Variants in CADM2 observed in about 807,000 individuals in gnomAD.
CADM2 encodes cell adhesion molecule 2.
Under a neutral mutation model 49.8 loss-of-function variants are expected in CADM2, and 12 were observed. That is an observed-to-expected ratio of 0.24 (90% CI 0.15 to 0.39). The LOEUF is 0.39. CADM2 is among the 10% of genes least tolerant of loss of function. CADM2 has a pLI of 1.00. For missense variants in CADM2, 378 were observed against 492.3 expected (o/e 0.77, Z 2.20); for synonymous variants, 214 against 175.4 (o/e 1.22, Z -1.74).
chr3:85,246,057 T>C (rs1325051017), intron 1 of CADM2, among the ~76,000 whole-genome samples: 4 of 152,230 alleles, frequency 2.6e-5, no homozygotes, highest in Admixed American at 6.5e-5. Flanking sequence ...ATAATTTGGT[T>C]AGTTTGTGTG....
chr3:85,901,244 C>G (rs915642995), intron 5 of CADM2, among the ~76,000 whole-genome samples: 1 of 152,000 alleles, frequency 6.6e-6, no homozygotes. Context: ...GACATTAGAT[C>G]CAAACAATTT....
intron 1 of CADM2, among the ~76,000 whole-genome samples, chr3:85,318,307 G>A (rs1274057741): frequency 6.6e-6 from 1 of 152,082 alleles, no homozygotes; most frequent in Admixed American, 6.6e-5. Context: ...CCTAGACCTA[G>A]CAGGAGATCT....
At chr3:85,242,244 A>C (rs2107838070) in intron 1 of CADM2, among the ~76,000 whole-genome samples, 1 of 151,582 alleles carries the variant, frequency 6.6e-6, no homozygotes, top group East Asian at 1.9e-4. Flanking sequence ...TTTATATTTT[A>C]ATAGTAAGTT....
chr3:85,431,993 C>T (rs1400598235), intron 1 of CADM2, among the ~76,000 whole-genome samples: 1 of 148,418 alleles, frequency 6.7e-6, no homozygotes, highest in Non-Finnish European at 1.5e-5. Flanking sequence ...GCATTATTGA[C>T]ATGTTCAATG....
chr3:85,102,065 A>G (rs940776321), intron 1 of CADM2, among the ~76,000 whole-genome samples: 4 of 152,180 alleles, frequency 2.6e-5, no homozygotes, highest in Admixed American at 1.3e-4. Context: ...TGATTTTGTA[A>G]AAAATAAAAT....
At chr3:85,103,306 C>T (rs573360728) in intron 1 of CADM2, among the ~76,000 whole-genome samples, 3 of 151,674 alleles carry the variant, frequency 2.0e-5, no homozygotes, top group African/African-American at 2.4e-5. Context: ...TTTTTCTTTA[C>T]GTATAAATAA....
intron 1 of CADM2, among the ~76,000 whole-genome samples, chr3:85,392,234 A>G (rs991131386): frequency 6.6e-6 from 1 of 152,122 alleles, no homozygotes; most frequent in South Asian, 2.1e-4. Context: ...TGAGAAAAAA[A>G]TCAAAGAAAT....
intron 1 of CADM2, among the ~76,000 whole-genome samples, chr3:85,107,624 T>A (rs1300457364): frequency 7.2e-6 from 1 of 139,046 alleles, no homozygotes; most frequent in Non-Finnish European, 1.6e-5. Flanking sequence ...TTTCTTTCTT[T>A]CTTTCTTTTT....
At chr3:85,633,737 A>G (rs921103318) in intron 1 of CADM2, among the ~76,000 whole-genome samples, 2 of 152,048 alleles carry the variant, frequency 1.3e-5, no homozygotes, top group Non-Finnish European at 2.9e-5. Flanking sequence ...GAGGAGAATA[A>G]ATTTCCATAA....
chr3:85,075,286 G>A (rs1049674477), intron 1 of CADM2, among the ~76,000 whole-genome samples: 1 of 151,418 alleles, frequency 6.6e-6, no homozygotes, highest in Non-Finnish European at 1.5e-5. Context: ...TAGAAGTTTA[G>A]CAAAGCCTGG....
chr3:85,888,718 A>G (rs144299041), intron 5 of CADM2, among the ~76,000 whole-genome samples: 1 of 152,270 alleles, frequency 6.6e-6, no homozygotes, highest in African/African-American at 2.4e-5. Context: ...TTATTTTTGT[A>G]AGTGTATATG....
chr3:85,428,212 A>T lies in CADM2; in HGVS notation c.62-298310A>T, dbSNP rs917840696. ...ATTTATACCTAAATTGTAAAAAAAA[A>T]AGGCACAGAGTAAAGTGTTCATGAA... is the stretch of plus-strand genomic sequence containing the variant. On this transcript the variant is annotated intron_variant, in intron 1 of 9. Coordinates refer to ENST00000383699, the MANE Select transcript of CADM2 (RefSeq NM_001167675.2). Among the ~76,000 whole-genome samples, 26 of 150,970 alleles carry T rather than the reference A, an allele frequency of 1.7e-4. 1 individual carries two copies. Among genetic ancestry groups the T allele is most frequent in the African/African-American group, 6.3e-4 (26 of 41,240 alleles).
At chr3:84,997,613 TTA>T (rs889583481) in intron 1 of CADM2, among the ~76,000 whole-genome samples, 5 of 152,118 alleles carry the variant, frequency 3.3e-5, no homozygotes, top group East Asian at 1.9e-4. Flanking sequence ...TATATTTATT[TTA>T]TATGTTATTT....
chr3:85,459,239 A>G (rs939570666), intron 1 of CADM2, among the ~76,000 whole-genome samples: 9 of 152,294 alleles, frequency 5.9e-5, no homozygotes, highest in Admixed American at 5.9e-4. Context: ...AGCTCCAGGA[A>G]TCTTGTCCTC....
At chr3:85,682,203 C>A (rs2066058579) in intron 1 of CADM2, among the ~76,000 whole-genome samples, 1 of 151,904 alleles carries the variant, frequency 6.6e-6, no homozygotes, top group South Asian at 2.1e-4. Flanking sequence ...ACTACAAAGC[C>A]CAGAATAATA....
intron 1 of CADM2, among the ~76,000 whole-genome samples, chr3:85,588,381 C>T (rs542157921): frequency 6.6e-6 from 1 of 151,648 alleles, no homozygotes; most frequent in Non-Finnish European, 1.5e-5. Context: ...AAAATACTCA[C>T]CCCACATTGA....
intron 3 of CADM2, among the ~76,000 whole-genome samples, chr3:85,842,280 C>T (rs1015265080): frequency 6.6e-6 from 1 of 152,104 alleles, no homozygotes; most frequent in African/African-American, 2.4e-5. Context: ...ACTGTGGCTT[C>T]CCAAATGGCT....
intron 3 of CADM2, among the ~76,000 whole-genome samples, chr3:85,860,055 G>A (rs1479650240): frequency 6.6e-6 from 1 of 151,416 alleles, no homozygotes; most frequent in African/African-American, 2.4e-5. Context: ...TATATCTTTA[G>A]CTCATTTCAG....
intron 2 of CADM2, among the ~76,000 whole-genome samples, chr3:85,755,089 T>C (rs1559634637): frequency 6.6e-6 from 1 of 152,186 alleles, no homozygotes; most frequent in South Asian, 2.1e-4. Flanking sequence ...AATTCTGATA[T>C]ATTATCTAGA....
Sources: allele counts gnomAD v4.1 joint callset (sites outside exome capture counted in the v4.1 genomes callset), GRCh38; gene constraint gnomAD v4.1.1; transcripts MANE v1.5; gene names NCBI Gene and HGNC (gene_info 2026-07-23, HGNC 2026-07-21).